Variants in TRABD2B observed in about 807,000 individuals in gnomAD.
TRABD2B encodes TraB domain containing 2B, also known as metalloprotease TIKI2.
In TRABD2B, 14 loss-of-function variants were observed where a neutral mutation model predicts 40.1. That is an observed-to-expected ratio of 0.35 (90% CI 0.23 to 0.55). The LOEUF is 0.55. Among genes scored for constraint, TRABD2B ranks in the 20% least tolerant of loss-of-function variants. TRABD2B has a pLI of 0.90. For missense variants in TRABD2B, 541 were observed against 648.6 expected (o/e 0.83, Z 1.80); for synonymous variants, 263 against 277.0 (o/e 0.95, Z 0.50).
chr1:47,926,101 A>G (rs888085192), intron 2 of TRABD2B, among the ~76,000 whole-genome samples: 4 of 152,212 alleles, frequency 2.6e-5, no homozygotes, highest in African/African-American at 9.6e-5. Flanking sequence ...GTATCAAGTG[A>G]CTTTGCTAAA....
chr1:47,917,362 C>T (rs1407032734), intron 2 of TRABD2B, among the ~76,000 whole-genome samples: 2 of 152,180 alleles, frequency 1.3e-5, no homozygotes, highest in Non-Finnish European at 2.9e-5. Context: ...CGTCAGGCAG[C>T]AGGCTGAGAG....
chr1:47,871,358 C>G (rs745915619), intron 2 of TRABD2B, among the ~76,000 whole-genome samples: 7 of 152,152 alleles, frequency 4.6e-5, no homozygotes, highest in Non-Finnish European at 1.0e-4. Context: ...CAGAACCAGA[C>G]CTGGATTAGG....
At chr1:47,843,292 C>T (rs934949079) in intron 2 of TRABD2B, among the ~76,000 whole-genome samples, 6 of 152,242 alleles carry the variant, frequency 3.9e-5, no homozygotes, top group South Asian at 2.1e-4. Context: ...GCAGGGCAGA[C>T]GCAGGGACCC....
chr1:47,879,476 G>A (rs1644271620), intron 2 of TRABD2B, among the ~76,000 whole-genome samples: 1 of 152,304 alleles, frequency 6.6e-6, no homozygotes, highest in African/African-American at 2.4e-5. Flanking sequence ...GACAGCCTAG[G>A]TGTGTAAAAG....
chr1:47,914,510 C>T (rs1043094476), intron 2 of TRABD2B, among the ~76,000 whole-genome samples: 9 of 152,240 alleles, frequency 5.9e-5, no homozygotes, highest in Non-Finnish European at 1.3e-4. Context: ...AGTGAGGGCC[C>T]ACAGCCAGCT....
intron 2 of TRABD2B, among the ~76,000 whole-genome samples, chr1:47,879,956 G>A (rs889467457): frequency 6.6e-6 from 1 of 152,222 alleles, no homozygotes; most frequent in Non-Finnish European, 1.5e-5. Context: ...TTTGTCTGGA[G>A]TAACAACTGC....
intron 2 of TRABD2B, among the ~76,000 whole-genome samples, chr1:47,959,701 G>C (rs995049978): frequency 1.3e-5 from 2 of 152,150 alleles, no homozygotes; most frequent in African/African-American, 4.8e-5. Context: ...AACAGGCTCT[G>C]AAATTGAGAC....
Position 47,996,765 on chromosome 1 carries a change from G to A in TRABD2B, c.25C>T (p.Leu9=), listed in dbSNP as rs909190730. Residue 9 remains leucine, a synonymous_variant, in exon 1 of 7, where the codon CTG becomes TTG. Coordinates refer to ENST00000606738, the MANE Select transcript of TRABD2B (RefSeq NM_001194986.2). This position sits in a 1 kb window ranked among gnomAD's most constrained non-coding sequence, Gnocchi z 4.6. ...GCGGTGGCGAGGAGGGCGGCGAGCAGCGGCCCCGCCAGGGCGGCGTGCATC... is the reference window on the plus strand; with the variant it reads ...GCGGTGGCGAGGAGGGCGGCGAGCAACGGCCCCGCCAGGGCGGCGTGCATC... The part of the protein sequence containing the change: MHAALAGP[L]LAALLATARA... 5.8e-6 allele frequency: 7 copies of A among 1,216,052 alleles called. No individual in the cohort carries two copies. Among genetic ancestry groups the A allele is most frequent in the South Asian group, 4.1e-5 (1 of 24,246 alleles). The allele number at this position is 1,216,052 out of a possible 1,614,324, so 75.3% of individuals were successfully genotyped here. A position where few individuals can be genotyped will look rare whatever the true frequency, so the allele number is the denominator to read the frequency against.
chr1:47,949,678 G>C (rs1488976606), intron 2 of TRABD2B, among the ~76,000 whole-genome samples: 1 of 151,846 alleles, frequency 6.6e-6, no homozygotes, highest in East Asian at 1.9e-4. Context: ...AAAGTGCTGG[G>C]ATTACAGGTG....
At chr1:47,885,875 A>AG (rs1319663784) in intron 2 of TRABD2B, among the ~76,000 whole-genome samples, 2 of 152,212 alleles carry the variant, frequency 1.3e-5, no homozygotes, top group African/African-American at 2.4e-5. Flanking sequence ...GATAAATGAC[A>AG]GTCTCATGCT....
intron 6 of TRABD2B, among the ~76,000 whole-genome samples, chr1:47,773,461 T>C (rs996039271): frequency 3.9e-5 from 6 of 152,242 alleles, no homozygotes; most frequent in African/African-American, 1.4e-4. Context: ...CTCCCATAAT[T>C]CCCACGTGTT....
At chr1:47,855,531 G>A (rs1643881734) in intron 2 of TRABD2B, among the ~76,000 whole-genome samples, 1 of 152,242 alleles carries the variant, frequency 6.6e-6, no homozygotes, top group South Asian at 2.1e-4. Context: ...ATCTAAGTAA[G>A]ATTTACCCAT....
intron 2 of TRABD2B, among the ~76,000 whole-genome samples, chr1:47,944,573 G>C (rs1411880629): frequency 6.6e-6 from 1 of 152,172 alleles, no homozygotes; most frequent in African/African-American, 2.4e-5. Context: ...AAGGAAGAAG[G>C]ATCAGGTAGG....
intron 6 of TRABD2B, among the ~76,000 whole-genome samples, chr1:47,768,970 C>T (rs1288091842): frequency 1.3e-5 from 2 of 152,170 alleles, no homozygotes; most frequent in Admixed American, 6.5e-5. Flanking sequence ...CCTGAATGAA[C>T]AGATGAGCAA....
At chr1:47,799,530 G>A (rs543878967) in intron 3 of TRABD2B, among the ~76,000 whole-genome samples, 6 of 152,192 alleles carry the variant, frequency 3.9e-5, no homozygotes, top group Non-Finnish European at 5.9e-5. Context: ...ACATTTGCTC[G>A]GGTGACAGTC....
At chr1:47,897,909 G>T (rs1021170594) in intron 2 of TRABD2B, among the ~76,000 whole-genome samples, 1 of 152,126 alleles carries the variant, frequency 6.6e-6, no homozygotes, top group South Asian at 2.1e-4. Context: ...AAAGGATAGC[G>T]TTCTATACAA....
intron 4 of TRABD2B, among the ~76,000 whole-genome samples, chr1:47,792,098 T>A (rs948654225): frequency 9.2e-5 from 14 of 152,182 alleles, no homozygotes; most frequent in Non-Finnish European, 2.9e-5. Context: ...CCAGGAGAAG[T>A]GGCAGCTGCC....
intron 2 of TRABD2B, among the ~76,000 whole-genome samples, chr1:47,923,562 T>C (rs1476252360): frequency 6.6e-6 from 1 of 152,246 alleles, no homozygotes; most frequent in Non-Finnish European, 1.5e-5. Context: ...GTTAATTTTA[T>C]GTGTCAACTT....
intron 2 of TRABD2B, among the ~76,000 whole-genome samples, chr1:47,892,644 C>T (rs1644463885): frequency 6.6e-6 from 1 of 152,098 alleles, no homozygotes; most frequent in African/African-American, 2.4e-5. Flanking sequence ...ACAGAGGCTA[C>T]TGAGGTAGGA....
Sources: gnomAD v4.1 joint callset for allele counts (sites outside exome capture counted in the v4.1 genomes callset) on GRCh38, gnomAD v4.1.1 for gene constraint, Gnocchi (gnomAD v3.1) non-coding constraint, MANE v1.5 for transcripts, NCBI Gene and HGNC (gene_info 2026-07-23, HGNC 2026-07-21) for gene names.